PDE4B: variants seen among roughly 807,000 people sequenced by gnomAD.
PDE4B encodes the protein phosphodiesterase 4B.
Under a neutral mutation model 82.2 loss-of-function variants are expected in PDE4B, and 20 were observed. That is an observed-to-expected ratio of 0.24 (90% confidence interval 0.17 to 0.35). PDE4B has a LOEUF of 0.35. Ranked by LOEUF, PDE4B falls within the 10% of genes least tolerant of loss-of-function variation. The pLI, the probability that PDE4B is intolerant of heterozygous loss-of-function variation, is 1.00. For synonymous variants in PDE4B, 320 were observed against 318.9 expected (o/e 1.00, Z -0.04); for missense variants, 655 against 907.2 (o/e 0.72, Z 3.57).
intron 3 of PDE4B, among the ~76,000 whole-genome samples, chr1:65,919,362 G>T (rs966310429): frequency 2.6e-5 from 4 of 152,228 alleles, no homozygotes; most frequent in Non-Finnish European, 1.5e-5. Flanking sequence ...CTGTTGTGCA[G>T]AGTCTATATT....
chr1:66,104,968 CT>C (rs1429361408), intron 3 of PDE4B, among the ~76,000 whole-genome samples: 2 of 151,034 alleles, frequency 1.3e-5, no homozygotes, highest in African/African-American at 4.9e-5. Flanking sequence ...TCAATTTTGG[CT>C]TTTGTTGCCA....
In PDE4B at chr1:66,271,864, T is replaced by A. The variant is rs960709125; in HGVS notation, c.634+5777T>A. Among the ~76,000 whole-genome samples, 10 of 152,210 alleles carry A rather than the reference T, an allele frequency of 6.6e-5. No homozygotes were observed. The East Asian group carries it at 1.9e-3, about 29-fold the overall frequency. ...ACTATTGTCTGCCAGTAAGGTCGTG[T>A]TTGATATATAGTTCCCTGAATAAAC... On this transcript the variant is annotated intron_variant, in intron 7 of 16. Coordinates refer to ENST00000341517, the MANE Select transcript of PDE4B (RefSeq NM_002600.4).
chr1:66,253,851 G>T (rs1395764417), intron 4 of PDE4B, among the ~76,000 whole-genome samples: 1 of 152,176 alleles, frequency 6.6e-6, no homozygotes, highest in African/African-American at 2.4e-5. Context: ...GGGAACCAAT[G>T]CTGGGCATCT....
At chr1:65,910,943 T>G (rs544323672) in intron 1 of PDE4B, among the ~76,000 whole-genome samples, 9 of 152,324 alleles carry the variant, frequency 5.9e-5, no homozygotes, top group African/African-American at 9.6e-5. Flanking sequence ...GCTTTTTTTT[T>G]GTCTTATATA....
At chr1:66,188,122 A>C (rs1647349565) in intron 3 of PDE4B, among the ~76,000 whole-genome samples, 1 of 151,632 alleles carries the variant, frequency 6.6e-6, no homozygotes, top group African/African-American at 2.4e-5. Flanking sequence ...CAGGTTGTTC[A>C]GTTTCCATGT....
At chr1:66,107,382 G>T (rs1471462542) in intron 3 of PDE4B, among the ~76,000 whole-genome samples, 1 of 151,576 alleles carries the variant, frequency 6.6e-6, no homozygotes, top group African/African-American at 2.4e-5. Context: ...AATGAACTTG[G>T]GTTGTTGATG....
rs186715732 is a variant in PDE4B, at chr1:66,132,346, T to A, written c.282-115114T>A. Among the ~76,000 whole-genome samples, 323 of 152,328 alleles carry A rather than the reference T, an allele frequency of 2.1e-3. 1 individual carries two copies. The highest frequency in any genetic ancestry group is 7.5e-3 in the African/African-American group (312 of 41,582). On this transcript the variant is annotated intron_variant, in intron 3 of 16. Coordinates refer to ENST00000341517, the MANE Select transcript of PDE4B (RefSeq NM_002600.4). ...TCTGTTTCTTTCTAACTGGAAGTTATCTTCTGAATTTTAGGTTTCTTTTTT... is the reference window on the plus strand; with the variant it reads ...TCTGTTTCTTTCTAACTGGAAGTTAACTTCTGAATTTTAGGTTTCTTTTTT...
intron 1 of PDE4B, among the ~76,000 whole-genome samples, chr1:65,838,051 A>G (rs1335039469): frequency 6.6e-6 from 1 of 152,214 alleles, no homozygotes; most frequent in East Asian, 1.9e-4. Context: ...CATTGCAAAA[A>G]TAAATGCATT....
At chr1:65,899,854 A>G (rs2100417321) in intron 1 of PDE4B, among the ~76,000 whole-genome samples, 2 of 152,014 alleles carry the variant, frequency 1.3e-5, no homozygotes, top group Middle Eastern at 6.8e-3. Flanking sequence ...CATAAGAATG[A>G]CACAATGGAT....
At chr1:65,961,508 A>C (rs1046574279) in intron 3 of PDE4B, among the ~76,000 whole-genome samples, 3 of 152,206 alleles carry the variant, frequency 2.0e-5, no homozygotes, top group African/African-American at 7.2e-5. Flanking sequence ...AAAGATAATA[A>C]TTAGTACTTT....
chr1:66,048,970 T>C (rs1654868193), intron 3 of PDE4B: 1 of 151,988 alleles, frequency 6.6e-6, no homozygotes, highest in Admixed American at 6.6e-5. Flanking sequence ...CTCTCCGTCT[T>C]TAGTCAATCT....
intron 3 of PDE4B, among the ~76,000 whole-genome samples, chr1:65,948,136 G>T (rs980879687): frequency 6.6e-6 from 1 of 151,528 alleles, no homozygotes; most frequent in African/African-American, 2.4e-5. Context: ...TGAACAAAGG[G>T]TTCTGCCAAC....
rs1428644339 is a variant in PDE4B, at chr1:65,913,628, C to T, written c.42+272C>T. On this transcript the variant is annotated intron_variant, in intron 2 of 16. Coordinates refer to ENST00000341517, the MANE Select transcript of PDE4B (RefSeq NM_002600.4). ...TCTAGTCTATGCCCAGATCCTCACT[C>T]TCAGATAATTCCTCTTTCCACACTG... Among the ~76,000 whole-genome samples, 3 of 152,308 alleles carry T rather than the reference C, an allele frequency of 2.0e-5. No individual in the cohort carries two copies. In the East Asian group the frequency reaches 5.8e-4, roughly 29 times the overall value.
intron 3 of PDE4B, among the ~76,000 whole-genome samples, chr1:65,936,359 C>A (rs1198166688): frequency 6.6e-6 from 1 of 152,106 alleles, no homozygotes; most frequent in Non-Finnish European, 1.5e-5. Flanking sequence ...GCATCACCAC[C>A]ACAAGCACGT....
At chr1:66,303,344 T>C (rs1274198943) in intron 7 of PDE4B, among the ~76,000 whole-genome samples, 1 of 105,448 alleles carries the variant, frequency 9.5e-6, no homozygotes, top group African/African-American at 4.2e-5. Flanking sequence ...TATATATATG[T>C]GTGTGTGTGT....
At chr1:65,840,727 G>A (rs1319162473) in intron 1 of PDE4B, among the ~76,000 whole-genome samples, 2 of 152,116 alleles carry the variant, frequency 1.3e-5, no homozygotes, top group Non-Finnish European at 2.9e-5. Flanking sequence ...CTCTGTCCAA[G>A]GTCAGATGAA....
chr1:65,802,649 A>G (rs56739780), intron 1 of PDE4B, among the ~76,000 whole-genome samples: 429 of 152,348 alleles, frequency 2.8e-3, no homozygotes, highest in African/African-American at 9.8e-3. Context: ...GTCATTGCAT[A>G]TGAAAATATT....
chr1:66,010,759 A>T (rs1278656980), intron 3 of PDE4B, among the ~76,000 whole-genome samples: 2 of 148,032 alleles, frequency 1.4e-5, no homozygotes, highest in South Asian at 2.2e-4. Flanking sequence ...CCCCACGAAG[A>T]TTAATCATCT....
chr1:66,070,185 C>T (rs545300242), intron 3 of PDE4B, among the ~76,000 whole-genome samples: 1 of 152,124 alleles, frequency 6.6e-6, no homozygotes, highest in South Asian at 2.1e-4. Context: ...GTGGTCAGCT[C>T]ATATAGGGCA....
Sources: allele counts gnomAD v4.1 joint callset (sites outside exome capture counted in the v4.1 genomes callset), GRCh38; gene constraint gnomAD v4.1.1; transcripts MANE v1.5; gene names NCBI Gene and HGNC (gene_info 2026-07-23, HGNC 2026-07-21).